The following NUP98 variants were observed in gnomAD, a reference collection of about 807,000 sequenced individuals.
NUP98 encodes the protein nuclear pore complex protein Nup98-Nup96.
Under a neutral mutation model 191.9 loss-of-function variants are expected in NUP98, and 26 were observed. The ratio of observed to expected loss-of-function variants is 0.14; its 90% confidence interval spans 0.10 to 0.19. The LOEUF is 0.19. NUP98 is among the 10% of genes least tolerant of loss of function. The pLI is 1.00. For synonymous variants in NUP98, 808 were observed against 778.4 expected (o/e 1.04, Z -0.63); for missense variants, 1,941 against 2,178.8 (o/e 0.89, Z 2.17).
At chr11:3,704,682 CACAA>C (rs1172545235) in intron 22 of NUP98, among the ~76,000 whole-genome samples, 1 of 152,182 alleles carries the variant, frequency 6.6e-6, no homozygotes. Flanking sequence ...TCTGCATCTG[CACAA>C]ACAGAGGTAA....
chr11:3,724,735 C>T (rs1391685907), intron 15 of NUP98, among the ~76,000 whole-genome samples: 1 of 139,296 alleles, frequency 7.2e-6, no homozygotes, highest in African/African-American at 2.7e-5. Flanking sequence ...GATCTTGGCT[C>T]ATGCCACTGC....
intron 12 of NUP98, among the ~76,000 whole-genome samples, chr11:3,737,960 A>G (rs932497251): frequency 1.3e-5 from 2 of 151,884 alleles, no homozygotes; most frequent in African/African-American, 4.8e-5. Flanking sequence ...CTCAAGAAAA[A>G]CTTTAGAGAA....
In NUP98 at chr11:3,683,211, T is replaced by G. The variant is rs762229530; in HGVS notation, c.4907A>C (p.His1636Pro). Residue 1636 changes from histidine to proline, a missense_variant, in exon 30 of 33, where the codon CAC becomes CCC. Physicochemically the swap from His to Pro is moderately conservative, Grantham distance 77. Around this residue, in one of 6 missense-constraint regions of NUP98, gnomAD observed 1,030 missense variants for 1,115.8 expected, o/e 0.92. Coordinates refer to ENST00000324932, the MANE Select transcript of NUP98 (RefSeq NM_016320.5). ...WNRCHKLIIRHLASDAIINEN... is the reference protein window; with the variant it reads ...WNRCHKLIIRPLASDAIINEN... Reference sequence around the variant, plus strand: ...AACCCAGCACTCACCAGAAGCTAAGTGTCGGATGATGAGCTTGTGGCAGCG... The same window carrying G: ...AACCCAGCACTCACCAGAAGCTAAGGGTCGGATGATGAGCTTGTGGCAGCG... 3.1e-6 allele frequency: 5 copies of G among 1,614,138 alleles called. No homozygotes were observed. The highest frequency in any genetic ancestry group is 4.2e-6 in the Non-Finnish European group (5 of 1,180,022).
chr11:3,763,362 A>G (rs1188397586), intron 8 of NUP98, among the ~76,000 whole-genome samples: 1 of 152,106 alleles, frequency 6.6e-6, no homozygotes, highest in Non-Finnish European at 1.5e-5. Context: ...ATAAGACTTT[A>G]ACTCTTGTGC....
intron 7 of NUP98, among the ~76,000 whole-genome samples, chr11:3,769,829 G>C (rs1250347708): frequency 1.3e-5 from 2 of 151,894 alleles, no homozygotes; most frequent in African/African-American, 2.4e-5. Flanking sequence ...TGGATCATAA[G>C]GTCTGGAGTT....
chr11:3,716,303 C>A (rs1328658461), intron 18 of NUP98, among the ~76,000 whole-genome samples: 1 of 151,468 alleles, frequency 6.6e-6, no homozygotes, highest in Non-Finnish European at 1.5e-5. Context: ...TGCCAGCATC[C>A]TTTGTTGAAG....
At chr11:3,760,865 G>A (rs1321329324) in intron 9 of NUP98, among the ~76,000 whole-genome samples, 4 of 152,106 alleles carry the variant, frequency 2.6e-5, no homozygotes, top group Non-Finnish European at 5.9e-5. Context: ...TAAGGATTAC[G>A]ACTGAAACAC....
At chr11:3,700,541 C>T (rs2078645428) in intron 24 of NUP98, 69 bp downstream of exon 24, 1 of 1,084,624 alleles carries the variant, frequency 9.2e-7, no homozygotes, top group African/African-American at 1.6e-5. Context: ...GAAATTCATC[C>T]TCCCGTGAAC....
chr11:3,745,099 AT>A (rs1263192421), intron 11 of NUP98, among the ~76,000 whole-genome samples: 3 of 152,224 alleles, frequency 2.0e-5, no homozygotes, highest in Admixed American at 1.3e-4. Flanking sequence ...ACCTAGGTGT[AT>A]TTGACAACCA....
intron 16 of NUP98, 41 bp downstream of exon 16, chr11:3,723,116 T>G (rs376098175): frequency 6.3e-7 from 1 of 1,578,256 alleles, no homozygotes; most frequent in Non-Finnish European, 8.7e-7. Flanking sequence ...TCATCTCGAA[T>G]GACTGGTAAG....
chr11:3,712,998 C>G (rs2079066236), intron 19 of NUP98, among the ~76,000 whole-genome samples: 1 of 152,154 alleles, frequency 6.6e-6, no homozygotes. Context: ...ATATAGGAAA[C>G]TTAATCCAAA....
At position 3,744,704 on chromosome 11, in the gene NUP98, G is replaced by C. The variant is rs1008029948; in HGVS notation, c.1268-55C>G. 7 of 1,551,586 alleles carry C rather than the reference G, an allele frequency of 4.5e-6. No homozygotes were observed. In the African/African-American group the frequency reaches 8.3e-5, roughly 18 times the overall value. ...CCACAGAAGATCCTTTCAATGTTGT[G>C]CCAGAGGTCAGTTACTTAAAAATAT... On this transcript the variant is annotated intron_variant, in intron 11 of 32. Transcript: ENST00000324932.
At chr11:3,724,915 C>G (rs769250848) in intron 15 of NUP98, among the ~76,000 whole-genome samples, 188 bp downstream of exon 15, 28 of 151,998 alleles carry the variant, frequency 1.8e-4, no homozygotes, top group Non-Finnish European at 3.8e-4. Context: ...AATCAGAACT[C>G]CAATAATTTT....
chr11:3,782,184 CA>C, intron 1 of NUP98, 39 bp from the exon 2 acceptor site: 1 of 1,081,228 alleles, frequency 9.2e-7, no homozygotes, highest in South Asian at 1.4e-5. Flanking sequence ...TTAAAGACCA[CA>C]AAATGGAATA....
At position 3,693,273 on chromosome 11, in the gene NUP98, A is replaced by T. The variant is rs763376642; in HGVS notation, c.4270T>A (p.Ser1424Thr). The T allele has an allele frequency of 1.2e-6, 2 of 1,614,168 alleles. No individual in the cohort carries two copies. The highest frequency in any genetic ancestry group is 1.7e-6 in the Non-Finnish European group (2 of 1,180,010). ...HLWYLLPPTA[S>T]ISRALSMYEE... ...TACATGCTGAGCGCCCTAGAAATGG[A>T]GGCTGTTGGTGGAAGCAAATACCAA... is the stretch of plus-strand genomic sequence containing the variant. The change falls in exon 27 of 33, where the codon TCC (serine) becomes ACC (threonine). Residue 1424 changes from serine (S) to threonine (T), a missense_variant. Physicochemically the swap from Ser to Thr is moderately conservative, Grantham distance 58. Transcript: ENST00000324932.
chr11:3,675,103 T>C lies in NUP98; in HGVS notation c.*1056A>G, dbSNP rs1187243186. ...TAGATCATTTATTTATACATATATATATTTTTTAATAAAAACCTTTACATT... is the reference window on the plus strand; with the variant it reads ...TAGATCATTTATTTATACATATATACATTTTTTAATAAAAACCTTTACATT... On this transcript the variant is annotated 3_prime_UTR_variant, in exon 33 of 33. Coordinates refer to ENST00000324932, the MANE Select transcript of NUP98 (RefSeq NM_016320.5). 1 of 182,292 alleles carries C rather than the reference T, an allele frequency of 5.5e-6. No individual in the cohort carries two copies. The highest frequency in any genetic ancestry group is 1.2e-5 in the Non-Finnish European group (1 of 85,332). 11.3% of individuals were successfully genotyped at this position (182,292 alleles called of 1,614,324 possible).
intron 20 of NUP98, among the ~76,000 whole-genome samples, chr11:3,710,889 T>G (rs2079008223): frequency 1.3e-5 from 2 of 152,226 alleles, no homozygotes; most frequent in Non-Finnish European, 2.9e-5. Flanking sequence ...TTCTCTCATT[T>G]CTGCTCTTCC....
intron 23 of NUP98, among the ~76,000 whole-genome samples, chr11:3,701,929 C>T (rs1037347263): frequency 2.6e-5 from 4 of 151,498 alleles, no homozygotes; most frequent in South Asian, 2.1e-4. Flanking sequence ...CCTCGTGATC[C>T]GCCCATCTTG....
intron 25 of NUP98, among the ~76,000 whole-genome samples, chr11:3,698,452 G>A (rs1351207776): frequency 2.0e-5 from 3 of 151,996 alleles, no homozygotes. Flanking sequence ...GTTCGGCTGG[G>A]TGCAGTGGCT....
Sources: allele counts gnomAD v4.1 joint callset (sites outside exome capture counted in the v4.1 genomes callset), GRCh38; gene constraint gnomAD v4.1.1; regional missense constraint gnomAD v4.1.1; transcripts MANE v1.5; gene names NCBI Gene and HGNC (gene_info 2026-07-23, HGNC 2026-07-21).